LY96: variants seen among roughly 807,000 people sequenced by gnomAD.
The protein encoded by LY96 is lymphocyte antigen 96.
A neutral mutation model predicts 18.9 loss-of-function variants in LY96; 18 were observed. That is an observed-to-expected ratio of 0.95 (90% CI 0.66 to 1.41). The LOEUF is 1.41. Ranked by LOEUF, LY96 falls within the 40% of genes most tolerant of loss-of-function variation. LY96 has a pLI of 0.00. For missense variants in LY96, 175 were observed against 182.4 expected (o/e 0.96, Z 0.23); for synonymous variants, 66 against 62.6 (o/e 1.06, Z -0.26).
the LY96 span, among the ~76,000 whole-genome samples, chr8:74,037,620 G>A: frequency 6.4e-3 from 980 of 152,128 alleles, 8 homozygotes; most frequent in African/African-American, 0.023. Flanking sequence ...GCAACAGAGT[G>A]AGACTCTGTT....
the LY96 span, among the ~76,000 whole-genome samples, chr8:74,043,234 G>A: frequency 2.0e-5 from 3 of 152,010 alleles, no homozygotes; most frequent in East Asian, 5.8e-4. Flanking sequence ...GGCAATACAG[G>A]AACAGGGGTA....
the LY96 span, among the ~76,000 whole-genome samples, chr8:74,058,480 A>G: frequency 1.3e-5 from 2 of 151,806 alleles, no homozygotes; most frequent in Non-Finnish European, 1.5e-5. Context: ...AAGCAAAAGG[A>G]TACTTACATA....
chr8:74,087,160 A>G, the LY96 span, among the ~76,000 whole-genome samples: 10 of 152,224 alleles, frequency 6.6e-5, no homozygotes, highest in African/African-American at 1.2e-4. Context: ...AGGGGTTTGC[A>G]TTAGAGTTAA....
the LY96 span, among the ~76,000 whole-genome samples, chr8:74,078,708 G>A: frequency 3.0e-4 from 46 of 152,156 alleles, 1 homozygote; most frequent in Admixed American, 1.6e-3. Flanking sequence ...TCCCATGGCT[G>A]CTGGGCAGAC....
intron 3 of LY96, among the ~76,000 whole-genome samples, chr8:74,016,435 G>T (rs1299759856): frequency 6.6e-6 from 1 of 152,212 alleles, no homozygotes. Flanking sequence ...TGGGGGCAGG[G>T]TATAGCTGAA....
chr8:74,059,506 A>G, the LY96 span, among the ~76,000 whole-genome samples: 16 of 152,350 alleles, frequency 1.1e-4, no homozygotes, highest in East Asian at 3.1e-3. Flanking sequence ...AGATAATTAG[A>G]TCTGGGAACA....
chr8:74,053,281 T>C, the LY96 span, among the ~76,000 whole-genome samples: 1 of 152,232 alleles, frequency 6.6e-6, no homozygotes, highest in African/African-American at 2.4e-5. Flanking sequence ...CTACTCTCAA[T>C]GTCTTTTAGA....
At chr8:74,070,103 T>C in the LY96 span, among the ~76,000 whole-genome samples, 10 of 151,820 alleles carry the variant, frequency 6.6e-5, no homozygotes, top group African/African-American at 2.2e-4. Flanking sequence ...TCTTTCTTTT[T>C]TTTTTTGAGA....
chr8:74,086,154 C>A, the LY96 span, among the ~76,000 whole-genome samples: 1 of 152,176 alleles, frequency 6.6e-6, no homozygotes, highest in Non-Finnish European at 1.5e-5. Context: ...CCATGACCAG[C>A]TTCTTGACAT....
chr8:74,007,769 TC>T (rs201830643), intron 2 of LY96, among the ~76,000 whole-genome samples: 2 of 152,202 alleles, frequency 1.3e-5, no homozygotes, highest in African/African-American at 4.8e-5. Context: ...ATGTTTCTTT[TC>T]TTTTTTTGAG....
At chr8:73,997,559 A>C (rs537009477) in intron 1 of LY96, among the ~76,000 whole-genome samples, 1 of 152,316 alleles carries the variant, frequency 6.6e-6, no homozygotes, top group South Asian at 2.1e-4. Flanking sequence ...CAAGACCTCC[A>C]GGACTCCTCA....
chr8:74,005,746 C>A (rs1816395742), intron 2 of LY96, among the ~76,000 whole-genome samples: 1 of 152,178 alleles, frequency 6.6e-6, no homozygotes, highest in Admixed American at 6.6e-5. Context: ...GGGGCTGTAT[C>A]TCAGTCTCTG....
the LY96 span, among the ~76,000 whole-genome samples, chr8:74,088,414 G>A: frequency 6.6e-6 from 1 of 152,150 alleles, no homozygotes; most frequent in Non-Finnish European, 1.5e-5. Flanking sequence ...CAGTTGCTAA[G>A]TCTTCTGAGA....
At chr8:74,031,398 C>T (rs547548124), downstream of LY96, among the ~76,000 whole-genome samples, 4 of 152,052 alleles carry the variant, frequency 2.6e-5, no homozygotes, top group South Asian at 4.1e-4. Flanking sequence ...GAATCCAAAG[C>T]GGGCGCATCA....
At chr8:73,997,449 G>A (rs539526886) in intron 1 of LY96, among the ~76,000 whole-genome samples, 1 of 152,296 alleles carries the variant, frequency 6.6e-6, no homozygotes, top group East Asian at 1.9e-4. Context: ...AGGCCAGAGA[G>A]ATCTTTGCAA....
At chr8:74,038,197 T>A in the LY96 span, among the ~76,000 whole-genome samples, 2 of 152,304 alleles carry the variant, frequency 1.3e-5, no homozygotes, top group East Asian at 3.9e-4. Flanking sequence ...TTACAAACAA[T>A]TGAATTATAC....
chr8:74,066,292 A>AGT, the LY96 span, among the ~76,000 whole-genome samples: 1 of 152,060 alleles, frequency 6.6e-6, no homozygotes, highest in Non-Finnish European at 1.5e-5. Flanking sequence ...ATAAGGATGG[A>AGT]GTCCTCATGA....
chr8:74,081,060 C>CT, the LY96 span, among the ~76,000 whole-genome samples: 1 of 116,892 alleles, frequency 8.6e-6, no homozygotes, highest in Admixed American at 9.5e-5. Flanking sequence ...TTCTTTCTTT[C>CT]TTTCTTACTT....
chr8:74,072,227 G>C, the LY96 span, among the ~76,000 whole-genome samples: 2 of 152,140 alleles, frequency 1.3e-5, no homozygotes, highest in African/African-American at 2.4e-5. Context: ...CTGTGAAGTG[G>C]ACATTTTGTG....
Sources: allele counts gnomAD v4.1 joint callset (sites outside exome capture counted in the v4.1 genomes callset), GRCh38; gene constraint gnomAD v4.1.1; transcripts MANE v1.5; gene names NCBI Gene and HGNC (gene_info 2026-07-23, HGNC 2026-07-21).